STXBP2: variants seen among roughly 807,000 people sequenced by gnomAD.
STXBP2 encodes the protein syntaxin binding protein 2, also known as syntaxin-binding protein 2.
STXBP2 carries 47 observed loss-of-function variants against 72.2 expected under a neutral mutation model. The ratio of observed to expected loss-of-function variants is 0.65; its 90% CI spans 0.51 to 0.83. The LOEUF (loss-of-function observed/expected upper bound fraction) is 0.83, where lower values mean the gene tolerates loss of function less well. STXBP2 is among the 40% of genes least tolerant of loss of function. The pLI is 0.00. For synonymous variants in STXBP2, 367 were observed against 338.7 expected (o/e 1.08, Z -0.92); for missense variants, 702 against 807.6 (o/e 0.87, Z 1.58).
intron 13 of STXBP2, 99 bp from the exon 14 acceptor site, chr19:7,644,515 G>A: frequency 1.3e-6 from 2 of 1,541,460 alleles, no homozygotes; most frequent in South Asian, 2.3e-5. Context: ...GGACCCAAAT[G>A]TCCTCTTGCC....
At chr19:7,632,025 T>C (rs964338484), upstream of STXBP2, 6 of 488,208 alleles carry the variant, frequency 1.2e-5, no homozygotes, top group African/African-American at 2.0e-5. This position sits in a 1 kb window ranked among gnomAD's most constrained non-coding sequence, Gnocchi z 5.2. Flanking sequence ...AACCCAAGCT[T>C]CGTGTATGTG....
intron 15 of STXBP2, chr19:7,645,540 G>C (rs1333093954): frequency 1.8e-6 from 1 of 554,740 alleles, no homozygotes; most frequent in Admixed American, 3.1e-5. Flanking sequence ...TCGCTGCCAG[G>C]CTGGTCCTGG....
At chr19:7,643,396 G>C in intron 13 of STXBP2, 151 bp downstream of exon 13, 1 of 803,302 alleles carries the variant, frequency 1.2e-6, no homozygotes, top group South Asian at 1.6e-5. Context: ...ACCTGGTGGG[G>C]AAGGAGTGGG....
upstream of STXBP2, chr19:7,636,590 C>T (rs1454980734): frequency 6.6e-6 from 1 of 152,278 alleles, no homozygotes; most frequent in Non-Finnish European, 1.5e-5. Flanking sequence ...CTCGTCGGCA[C>T]CGCAGTCCAG....
At chr19:7,640,549 T>G (rs1207062308) in intron 4 of STXBP2, 182 bp from the exon 5 acceptor site, 2 of 727,960 alleles carry the variant, frequency 2.7e-6, no homozygotes, top group Non-Finnish European at 4.9e-6. Context: ...TGTGCGTGCG[T>G]GCATCTGTGT....
upstream of STXBP2, among the ~76,000 whole-genome samples, chr19:7,634,435 C>T (rs1304919273): frequency 6.6e-6 from 1 of 152,250 alleles, no homozygotes; most frequent in Non-Finnish European, 1.5e-5. Flanking sequence ...TCCCTCTATG[C>T]CAATGAAGTG....
the STXBP2 span, chr19:7,631,584 C>T: frequency 3.3e-6 from 5 of 1,520,792 alleles, no homozygotes; most frequent in Middle Eastern, 3.6e-4. Flanking sequence ...CCTAGCCCCT[C>T]CCCTGATGAA....
intron 14 of STXBP2, 34 bp downstream of exon 14, chr19:7,644,786 C>T: frequency 1.2e-6 from 2 of 1,613,072 alleles, no homozygotes; most frequent in African/African-American, 1.3e-5. Context: ...GGAACGTCCC[C>T]ATTTGCCAGC....
the STXBP2 span, chr19:7,630,508 G>C: frequency 4.5e-4 from 600 of 1,326,946 alleles, 11 homozygotes; most frequent in South Asian, 7.3e-3. Context: ...GGGTCCCCCA[G>C]GCTCTGAGGA....
Position 7,637,142 on chromosome 19 carries a change from C to T in STXBP2, c.-8C>T, listed in dbSNP as rs377272730. 1.6e-5 allele frequency: 20 copies of T among 1,240,850 alleles called. No homozygotes were observed. The African/African-American group carries it at 2.6e-4, about 16-fold the overall frequency. 76.9% of individuals were successfully genotyped at this position (1,240,850 alleles called of 1,614,324 possible). On this transcript the variant is annotated 5_prime_UTR_variant, in exon 1 of 19. Coordinates refer to ENST00000221283, the MANE Select transcript of STXBP2 (RefSeq NM_006949.4). ...ACCCGGAAGCGGCGGCGGCGCCCCT[C>T]GGGGAAGATGGCGCCCTCGGGGCTG...
chr19:7,643,078 A>G, intron 12 of STXBP2, 30 bp downstream of exon 12: 1 of 1,613,932 alleles, frequency 6.2e-7, no homozygotes, highest in Non-Finnish European at 8.5e-7. Context: ...GAGCGGGGAC[A>G]CCTCGGCCCC....
chr19:7,630,847 G>A, the STXBP2 span: 1 of 1,537,256 alleles, frequency 6.5e-7, no homozygotes, highest in Non-Finnish European at 8.7e-7. Context: ...ACCTGAGAAG[G>A]TAAGTGATCT....
Position 7,646,254 on chromosome 19 carries a change from G to T in STXBP2, c.1362G>T (p.Ser454=). Residue 454 remains serine (S), a synonymous_variant, in exon 16 of 19, where the codon TCG becomes TCT. Coordinates refer to ENST00000221283, the MANE Select transcript of STXBP2 (RefSeq NM_006949.4). ...LGGTVTNPGG[S]GTSSRLEPRE... is the part of the protein sequence containing the mutation. The stretch of plus-strand genomic sequence containing the variant: ...CCTCCCTGCCCTGCCTGTAGGGCTC[G>T]GGGACCTCCAGCCGGCTGGAGCCGA... The T allele has an allele frequency of 6.2e-7, 1 of 1,604,380 alleles. No homozygotes were observed. The highest frequency in any genetic ancestry group is 2.3e-5 in the East Asian group (1 of 44,420).
At chr19:7,630,394 T>G in the STXBP2 span, 1 of 606,300 alleles carries the variant, frequency 1.6e-6, no homozygotes, top group Non-Finnish European at 2.9e-6. Context: ...CCTCCTGGAT[T>G]ATAGGAGTTA....
intron 4 of STXBP2, 143 bp downstream of exon 4, chr19:7,639,950 A>T: frequency 1.4e-6 from 1 of 720,266 alleles, no homozygotes; most frequent in South Asian, 1.5e-5. Flanking sequence ...ATGTGTGTGC[A>T]TGTGTGTGTG....
In STXBP2 at chr19:7,642,568, C is replaced by T. The variant is rs746801824; in HGVS notation, c.902+32C>T. On this transcript the variant is annotated intron_variant, in intron 10 of 18. Transcript: ENST00000221283. This position sits in a 1 kb window ranked among gnomAD's most constrained non-coding sequence, Gnocchi z 6.0. ...GCACACGGGGACCGGATCCCCCCCCCACCGCCCACTGTGGGCCTGGTAGCG... is the reference window on the plus strand; with the variant it reads ...GCACACGGGGACCGGATCCCCCCCCTACCGCCCACTGTGGGCCTGGTAGCG... The T allele has an allele frequency of 6.2e-7, 1 of 1,607,616 alleles. No individual in the cohort carries two copies. Among genetic ancestry groups the T allele is most frequent in the Non-Finnish European group, 8.5e-7 (1 of 1,174,512 alleles).
chr19:7,631,449 T>C, the STXBP2 span: 1 of 1,525,596 alleles, frequency 6.6e-7, no homozygotes, highest in Admixed American at 2.0e-5. Context: ...CCCCTTCCTG[T>C]CCCACCCGCT....
Position 7,643,430 on chromosome 19 carries a change from A to G in STXBP2, c.1107+185A>G, listed in dbSNP as rs140488022. On this transcript the variant is annotated intron_variant, in intron 13 of 18. Coordinates refer to ENST00000221283, the MANE Select transcript of STXBP2 (RefSeq NM_006949.4). The stretch of plus-strand genomic sequence containing the variant: ...GGTCTTGTGGAGAAACGGTCCTAGG[A>G]TGAGGGTGTGGCCTGTGCATAGGTG... Among the ~76,000 whole-genome samples the G allele has an allele frequency of 1.4e-4, 20 of 145,478 alleles. No individual in the cohort carries two copies. In the East Asian group the frequency reaches 2.6e-3, roughly 19 times the overall value.
upstream of STXBP2, chr19:7,632,472 G>A: frequency 6.2e-7 from 1 of 1,613,838 alleles, no homozygotes. This position sits in a 1 kb window ranked among gnomAD's most constrained non-coding sequence, Gnocchi z 5.2. Context: ...CTGGGTACTG[G>A]CCAGCATGTC....
Sources: allele counts gnomAD v4.1 joint callset (sites outside exome capture counted in the v4.1 genomes callset), GRCh38; gene constraint gnomAD v4.1.1; non-coding constraint Gnocchi (gnomAD v3.1); transcripts MANE v1.5; gene names NCBI Gene and HGNC (gene_info 2026-07-23, HGNC 2026-07-21).